PDZD8: variants seen among roughly 807,000 people sequenced by gnomAD.
PDZD8 encodes the protein PDZ domain containing 8.
Under a neutral mutation model 85.8 loss-of-function variants are expected in PDZD8, and 14 were observed. The observed-to-expected ratio is 0.16, with a 90% CI of 0.11 to 0.26. The LOEUF (loss-of-function observed/expected upper bound fraction) is 0.26. Among genes scored for constraint, PDZD8 ranks in the 10% least tolerant of loss-of-function variants. PDZD8 has a pLI of 1.00. For missense variants in PDZD8, 1,197 were observed against 1,424.3 expected (o/e 0.84, Z 2.57); for synonymous variants, 592 against 568.6 (o/e 1.04, Z -0.59).
At chr10:117,320,047 C>T in intron 2 of PDZD8, among the ~76,000 whole-genome samples, 1 of 152,040 alleles carries the variant, frequency 6.6e-6, no homozygotes, top group East Asian at 1.9e-4. Flanking sequence ...TGAATAAACT[C>T]ATGGTGAAAA....
chr10:117,374,499 G>T lies in PDZD8; in HGVS notation c.729C>A (p.Phe243Leu). The change falls in exon 1 of 5, where the codon TTC becomes TTA. Residue 243 changes from phenylalanine (F) to leucine (L), a missense_variant. Physicochemically the swap from Phe to Leu is conservative, Grantham distance 22 (BLOSUM62 0). Transcript: ENST00000334464. This position sits in a 1 kb window ranked among gnomAD's most constrained non-coding sequence, Gnocchi z 7.8. ...CGATCAGCGGGTCTTCCACGAAGGAGAAGAACCAGTGGGTGAAGGGCACGC... is the reference window on the plus strand; with the variant it reads ...CGATCAGCGGGTCTTCCACGAAGGATAAGAACCAGTGGGTGAAGGGCACGC... ...FTRVPFTHWFFSFVEDPLIDF... is the reference protein window; with the variant it reads ...FTRVPFTHWFLSFVEDPLIDF... The T allele has an allele frequency of 1.2e-6, 2 of 1,613,596 alleles. No homozygotes were observed. The highest frequency in any genetic ancestry group is 1.7e-6 in the Non-Finnish European group (2 of 1,179,766).
intron 2 of PDZD8, among the ~76,000 whole-genome samples, chr10:117,337,702 C>T (rs945634129): frequency 2.0e-5 from 3 of 152,146 alleles, no homozygotes; most frequent in African/African-American, 7.2e-5. Context: ...ATAGAAGCTA[C>T]ATCTACTGTA....
At position 117,305,471 on chromosome 10, in the gene PDZD8, TACACACAC is replaced by T. The variant is rs57037106; in HGVS notation, c.1098+13393_1098+13400del. On this transcript the variant is annotated intron_variant, in intron 3 of 4. Coordinates refer to ENST00000334464, the MANE Select transcript of PDZD8 (RefSeq NM_173791.5). ...ACACACACACATATATACACACACA[TACACACAC>T]ACACACACACACACACACACACACA... is the stretch of plus-strand genomic sequence containing the variant. Among the ~76,000 whole-genome samples the T allele has an allele frequency of 5.7e-3, 802 of 141,842 alleles. 5 individuals carry two copies. Among genetic ancestry groups the T allele is most frequent in the African/African-American group, 0.015 (557 of 37,628 alleles). The allele number at this position is 141,842 out of a possible 152,430, so 93.1% of individuals were successfully genotyped here. A position where few individuals can be genotyped will look rare whatever the true frequency, so the allele number is the denominator to read the frequency against.
At chr10:117,311,934 G>A (rs547102202) in intron 3 of PDZD8, among the ~76,000 whole-genome samples, 29 of 151,934 alleles carry the variant, frequency 1.9e-4, no homozygotes, top group African/African-American at 6.5e-4. Context: ...ATGGTGCCAC[G>A]AAGGAGAAAG....
chr10:117,309,216 C>CTGTGTG (rs1318682686), intron 3 of PDZD8, among the ~76,000 whole-genome samples: 1 of 152,048 alleles, frequency 6.6e-6, no homozygotes. Context: ...AGTTTTATGA[C>CTGTGTG]TGTTGCCTCC....
intron 2 of PDZD8, among the ~76,000 whole-genome samples, chr10:117,325,163 G>A (rs1047902758): frequency 2.0e-5 from 3 of 151,944 alleles, no homozygotes; most frequent in African/African-American, 4.8e-5. Flanking sequence ...AACTGGCCTG[G>A]TACCTTGAAT....
intron 3 of PDZD8, among the ~76,000 whole-genome samples, chr10:117,292,035 T>G (rs1486134307): frequency 1.3e-5 from 2 of 152,192 alleles, no homozygotes; most frequent in Non-Finnish European, 2.9e-5. Flanking sequence ...TATCCAAATA[T>G]ATCACTGGCT....
chr10:117,290,707 A>G (rs973499649), intron 3 of PDZD8, among the ~76,000 whole-genome samples: 2 of 152,098 alleles, frequency 1.3e-5, no homozygotes, highest in African/African-American at 4.8e-5. Flanking sequence ...TATATTTAAC[A>G]CAAAATTGAG....
intron 1 of PDZD8, among the ~76,000 whole-genome samples, chr10:117,372,983 T>G (rs1046365401): frequency 1.3e-5 from 2 of 151,972 alleles, no homozygotes; most frequent in African/African-American, 4.8e-5. Context: ...GCAAGTAAAA[T>G]TAGGTAAGTA....
Position 117,281,462 on chromosome 10 carries a change from T to C in PDZD8, c.*1806A>G, listed in dbSNP as rs1372356838. Reference sequence around the variant, plus strand: ...TTATAAACTTGGCTAAGAAAGGTATTTAGTACCTGAAATTTTCGCTTACTA... The same window carrying C: ...TTATAAACTTGGCTAAGAAAGGTATCTAGTACCTGAAATTTTCGCTTACTA... On this transcript the variant is annotated 3_prime_UTR_variant, in exon 5 of 5. Coordinates refer to ENST00000334464, the MANE Select transcript of PDZD8 (RefSeq NM_173791.5). The C allele has an allele frequency of 6.6e-6, 1 of 151,524 alleles. No individual in the cohort carries two copies. Among genetic ancestry groups the C allele is most frequent in the African/African-American group, 2.4e-5 (1 of 41,212 alleles). 9.4% of individuals were successfully genotyped at this position (151,524 alleles called of 1,614,324 possible).
At chr10:117,372,953 T>C (rs1024342299) in intron 1 of PDZD8, among the ~76,000 whole-genome samples, 4 of 152,118 alleles carry the variant, frequency 2.6e-5, no homozygotes, top group Admixed American at 6.5e-5. Flanking sequence ...GATCCAGAAA[T>C]AGGCAACTTC....
chr10:117,298,850 GT>G (rs972347688), intron 3 of PDZD8, among the ~76,000 whole-genome samples: 7 of 152,008 alleles, frequency 4.6e-5, no homozygotes, highest in African/African-American at 4.8e-5. Context: ...TTTCTTGAAA[GT>G]TTTTTTTCTT....
At chr10:117,369,261 C>A (rs930828905) in intron 1 of PDZD8, among the ~76,000 whole-genome samples, 1 of 151,996 alleles carries the variant, frequency 6.6e-6, no homozygotes, top group Non-Finnish European at 1.5e-5. Context: ...CGGGTTCAAG[C>A]GATTCTCCTG....
chr10:117,366,555 C>T (rs532433860), intron 1 of PDZD8, among the ~76,000 whole-genome samples: 1 of 151,172 alleles, frequency 6.6e-6, no homozygotes, highest in East Asian at 2.0e-4. Context: ...TCTGTCACTA[C>T]CACCACCACT....
chr10:117,356,919 A>C (rs1294090644), intron 1 of PDZD8, among the ~76,000 whole-genome samples: 1 of 152,196 alleles, frequency 6.6e-6, no homozygotes, highest in Non-Finnish European at 1.5e-5. Context: ...AAAAAAACTA[A>C]GGTATTTTAA....
At chr10:117,298,301 CT>C (rs1843789058) in intron 3 of PDZD8, among the ~76,000 whole-genome samples, 1 of 152,106 alleles carries the variant, frequency 6.6e-6, no homozygotes, top group Non-Finnish European at 1.5e-5. Context: ...AGCAATAGTC[CT>C]GTCTCCTCAA....
chr10:117,348,610 T>C (rs1310770964), intron 1 of PDZD8, among the ~76,000 whole-genome samples: 2 of 152,322 alleles, frequency 1.3e-5, no homozygotes, highest in Admixed American at 6.5e-5. Context: ...TCTCACAGAC[T>C]TTTCTCCATG....
chr10:117,331,099 C>A (rs1476937935), intron 2 of PDZD8, among the ~76,000 whole-genome samples: 1 of 152,138 alleles, frequency 6.6e-6, no homozygotes, highest in Non-Finnish European at 1.5e-5. Context: ...TGTCTGTTAG[C>A]CCTAACTACA....
At chr10:117,346,548 C>T (rs1210061791) in intron 1 of PDZD8, among the ~76,000 whole-genome samples, 3 of 151,428 alleles carry the variant, frequency 2.0e-5, no homozygotes, top group Non-Finnish European at 2.9e-5. Flanking sequence ...TGAAAGTTCT[C>T]GGTGGAATTT....
Sources: gnomAD v4.1 joint callset for allele counts (sites outside exome capture counted in the v4.1 genomes callset) on GRCh38, gnomAD v4.1.1 for gene constraint, Gnocchi (gnomAD v3.1) non-coding constraint, MANE v1.5 for transcripts, NCBI Gene and HGNC (gene_info 2026-07-23, HGNC 2026-07-21) for gene names.